MARCHF1: variants seen among roughly 807,000 people sequenced by gnomAD.
MARCHF1 encodes the protein E3 ubiquitin-protein ligase MARCHF1.
A neutral mutation model predicts 54.2 loss-of-function variants in MARCHF1; 40 were observed. The observed-to-expected ratio is 0.74, with a 90% CI of 0.57 to 0.96. The LOEUF (loss-of-function observed/expected upper bound fraction) is 0.96. MARCHF1 is among the 40% of genes least tolerant of loss of function. MARCHF1 has a pLI of 0.00. For missense variants in MARCHF1, 586 were observed against 656.5 expected (o/e 0.89, Z 1.17); for synonymous variants, 236 against 236.3 (o/e 1.00, Z 0.01).
intron 3 of MARCHF1, among the ~76,000 whole-genome samples, chr4:163,864,069 T>C (rs1250816040): frequency 6.6e-6 from 1 of 152,066 alleles, no homozygotes; most frequent in Non-Finnish European, 1.5e-5. Flanking sequence ...CAGTCTCTTG[T>C]GCAGAACTGT....
intron 4 of MARCHF1, among the ~76,000 whole-genome samples, chr4:163,719,949 T>A (rs1265198129): frequency 1.3e-5 from 2 of 152,236 alleles, no homozygotes; most frequent in Non-Finnish European, 2.9e-5. Context: ...ATTAGTAGAT[T>A]GCAAACATTT....
chr4:163,881,916 C>A (rs1015358514), intron 3 of MARCHF1, among the ~76,000 whole-genome samples: 2 of 152,082 alleles, frequency 1.3e-5, no homozygotes, highest in African/African-American at 4.8e-5. Flanking sequence ...GAAGAAAGTG[C>A]CACAAAGATA....
rs1310786599 is a variant in MARCHF1, at chr4:163,732,165, ATATAAT to A, written c.112-31308_112-31303del. On this transcript the variant is annotated intron_variant, in intron 4 of 9. Coordinates refer to ENST00000514618, the MANE Select transcript of MARCHF1 (RefSeq NM_001394959.1). The stretch of plus-strand genomic sequence containing the variant: ...ATTAATATATGATTAGTTATTAATC[ATATAAT>A]TATATTATTAATATATAAACTTAGA... Among the ~76,000 whole-genome samples the A allele has an allele frequency of 1.3e-4, 20 of 151,526 alleles. No individual in the cohort carries two copies. In the East Asian group the frequency reaches 3.7e-3, roughly 28 times the overall value.
intron 1 of MARCHF1, among the ~76,000 whole-genome samples, chr4:164,275,657 T>G (rs2111322366): frequency 6.6e-6 from 1 of 151,714 alleles, no homozygotes; most frequent in South Asian, 2.1e-4. Flanking sequence ...TTATAAATTG[T>G]CATGCATTGT....
chr4:164,374,183 T>A (rs10446752), intron 1 of MARCHF1, among the ~76,000 whole-genome samples: 80,553 of 151,990 alleles, frequency 0.53, 22,108 homozygotes, highest in East Asian at 0.65. Flanking sequence ...TTTATTACAA[T>A]TATACACTCA....
At chr4:163,669,011 T>C (rs1386203030) in intron 5 of MARCHF1, among the ~76,000 whole-genome samples, 1 of 152,176 alleles carries the variant, frequency 6.6e-6, no homozygotes, top group Non-Finnish European at 1.5e-5. Flanking sequence ...TTCTGGAGAA[T>C]TACAGCTGCT....
intron 1 of MARCHF1, among the ~76,000 whole-genome samples, chr4:164,352,605 A>C (rs1044686594): frequency 1.7e-4 from 26 of 150,028 alleles, no homozygotes; most frequent in African/African-American, 5.1e-4. Flanking sequence ...AGAGTTCCTG[A>C]AGGAAGCGCT....
intron 3 of MARCHF1, among the ~76,000 whole-genome samples, chr4:163,895,062 T>C (rs1035266090): frequency 2.0e-5 from 3 of 151,958 alleles, no homozygotes; most frequent in African/African-American, 4.8e-5. Flanking sequence ...ATGTGATGCA[T>C]AAATATGCAT....
At chr4:164,266,197 A>G (rs552138059) in intron 1 of MARCHF1, among the ~76,000 whole-genome samples, 18 of 152,348 alleles carry the variant, frequency 1.2e-4, no homozygotes, top group African/African-American at 4.1e-4. Flanking sequence ...TACAAGGGAT[A>G]CAATTTCATC....
At chr4:163,721,268 C>G (rs188118696) in intron 4 of MARCHF1, among the ~76,000 whole-genome samples, 1 of 152,356 alleles carries the variant, frequency 6.6e-6, no homozygotes, top group East Asian at 1.9e-4. Context: ...AAGGTCTTCT[C>G]TGCATTTATT....
chr4:163,953,794 A>T (rs1752180482), intron 3 of MARCHF1, among the ~76,000 whole-genome samples: 1 of 152,194 alleles, frequency 6.6e-6, no homozygotes, highest in Non-Finnish European at 1.5e-5. Context: ...TTCAGTGCTC[A>T]TGTAGTTTTA....
intron 4 of MARCHF1, among the ~76,000 whole-genome samples, chr4:163,813,214 C>A (rs1040000882): frequency 3.3e-5 from 5 of 152,130 alleles, no homozygotes; most frequent in African/African-American, 9.7e-5. Context: ...GGAAAATAAC[C>A]CTTATACTAT....
intron 1 of MARCHF1, among the ~76,000 whole-genome samples, chr4:164,255,017 T>A (rs1028711687): frequency 6.6e-6 from 1 of 152,180 alleles, no homozygotes; most frequent in Non-Finnish European, 1.5e-5. Context: ...AGTGGTGGGA[T>A]TACAGGCGTG....
At position 163,801,761 on chromosome 4, in the gene MARCHF1, A is replaced by G. The variant is rs572046934; in HGVS notation, c.111+52260T>C. 4.7e-4 allele frequency among the ~76,000 whole-genome samples: 72 copies of G among 152,236 alleles called. 3 individuals carry two copies. In the South Asian group the frequency reaches 0.014, roughly 30 times the overall value. ...TTTGCTTGTTTTAAAATTTCATACAAATAGAATAACAATAAACACACTTTG... is the reference window on the plus strand; with the variant it reads ...TTTGCTTGTTTTAAAATTTCATACAGATAGAATAACAATAAACACACTTTG... On this transcript the variant is annotated intron_variant, in intron 4 of 9. Coordinates refer to ENST00000514618, the MANE Select transcript of MARCHF1 (RefSeq NM_001394959.1).
At chr4:163,633,744 A>G (rs1163588768) in intron 5 of MARCHF1, among the ~76,000 whole-genome samples, 4 of 152,030 alleles carry the variant, frequency 2.6e-5, no homozygotes, top group African/African-American at 4.8e-5. Context: ...AAATACAGAG[A>G]ATGCCACAAA....
intron 2 of MARCHF1, among the ~76,000 whole-genome samples, chr4:164,030,405 C>T (rs1753853609): frequency 6.6e-6 from 1 of 152,082 alleles, no homozygotes; most frequent in Non-Finnish European, 1.5e-5. Flanking sequence ...TAAATTCTGT[C>T]AGGACAGATG....
At chr4:163,841,364 T>C (rs1178070188) in intron 4 of MARCHF1, among the ~76,000 whole-genome samples, 1 of 152,040 alleles carries the variant, frequency 6.6e-6, no homozygotes, top group Non-Finnish European at 1.5e-5. Flanking sequence ...TATGCTTGTG[T>C]AGGGGCTGGG....
chr4:164,218,688 C>T (rs375146797), intron 1 of MARCHF1, among the ~76,000 whole-genome samples: 80 of 91,516 alleles, frequency 8.7e-4, no homozygotes, highest in African/African-American at 3.3e-3. Flanking sequence ...CATCACACAC[C>T]GGGGCCTGTT....
intron 1 of MARCHF1, among the ~76,000 whole-genome samples, chr4:164,346,855 A>G (rs965828568): frequency 6.6e-6 from 1 of 152,012 alleles, no homozygotes. Context: ...AGCGATTTTC[A>G]TCATACCTAA....
Sources: allele counts gnomAD v4.1 joint callset (sites outside exome capture counted in the v4.1 genomes callset), GRCh38; gene constraint gnomAD v4.1.1; transcripts MANE v1.5; gene names NCBI Gene and HGNC (gene_info 2026-07-23, HGNC 2026-07-21).